The following NUBPL variants were observed in gnomAD, a reference collection of about 807,000 sequenced individuals.
The protein encoded by NUBPL is iron-sulfur cluster transfer protein NUBPL.
A neutral mutation model predicts 45.7 loss-of-function variants in NUBPL; 31 were observed. The observed-to-expected ratio is 0.68, with a 90% confidence interval of 0.51 to 0.92. The LOEUF (loss-of-function observed/expected upper bound fraction) is 0.92, where lower values mean the gene tolerates loss of function less well. Ranked by LOEUF, NUBPL falls within the 40% of genes least tolerant of loss-of-function variation. The pLI is 0.00. For synonymous variants in NUBPL, 144 were observed against 140.9 expected (o/e 1.02, Z -0.15); for missense variants, 401 against 398.7 (o/e 1.01, Z -0.05).
intron 7 of NUBPL, among the ~76,000 whole-genome samples, chr14:31,797,677 A>C (rs1306852801): frequency 1.6e-3 from 208 of 132,392 alleles, no homozygotes; most frequent in Non-Finnish European, 2.5e-3. Context: ...ATGGGTCTTG[A>C]CTCTTTATCC....
In NUBPL at chr14:31,702,137, C is replaced by A. The variant is rs148716020; in HGVS notation, c.513+28563C>A. Among the ~76,000 whole-genome samples the A allele has an allele frequency of 2.3e-3, 356 of 152,246 alleles. 1 individual carries two copies. Among genetic ancestry groups the A allele is most frequent in the African/African-American group, 8.2e-3 (340 of 41,546 alleles). ...GGAAAAGAGTACATATTAAAATCAG[C>A]CAAGGGAAGAAGTGCATAAGGTGGA... On this transcript the variant is annotated intron_variant, in intron 6 of 10. Transcript: ENST00000281081.
chr14:31,795,057 T>C (rs2039457155), intron 7 of NUBPL, among the ~76,000 whole-genome samples: 1 of 149,622 alleles, frequency 6.7e-6, no homozygotes, highest in Non-Finnish European at 1.5e-5. Flanking sequence ...TGCGGCATTA[T>C]TTTTGAGGCC....
intron 4 of NUBPL, among the ~76,000 whole-genome samples, chr14:31,664,337 CT>C (rs2036351369): frequency 6.6e-6 from 1 of 152,100 alleles, no homozygotes; most frequent in Non-Finnish European, 1.5e-5. Context: ...ATGCTTCCAG[CT>C]TTTGCCCATT....
At chr14:31,676,340 T>C (rs1414226082) in intron 6 of NUBPL, among the ~76,000 whole-genome samples, 1 of 152,106 alleles carries the variant, frequency 6.6e-6, no homozygotes, top group Non-Finnish European at 1.5e-5. Context: ...AGCTTTTTTT[T>C]TATATGGTTT....
At chr14:31,650,566 G>A (rs549813552) in intron 4 of NUBPL, among the ~76,000 whole-genome samples, 1 of 152,216 alleles carries the variant, frequency 6.6e-6, no homozygotes, top group African/African-American at 2.4e-5. Context: ...TGGGATTACA[G>A]GCGTTAGTCA....
At chr14:31,613,514 C>T (rs563464151) in intron 4 of NUBPL, among the ~76,000 whole-genome samples, 8 of 151,316 alleles carry the variant, frequency 5.3e-5, no homozygotes, top group South Asian at 4.2e-4. Flanking sequence ...TGCAGTGGTG[C>T]GATCTCAGGT....
chr14:31,565,213 A>C (rs2033405155), intron 3 of NUBPL, among the ~76,000 whole-genome samples, 165 bp downstream of exon 3: 2 of 152,182 alleles, frequency 1.3e-5, no homozygotes, highest in African/African-American at 2.4e-5. Flanking sequence ...GGTTACATTT[A>C]ATAATAATAA....
intron 6 of NUBPL, among the ~76,000 whole-genome samples, chr14:31,777,258 T>C (rs1217056234): frequency 6.6e-6 from 1 of 152,216 alleles, no homozygotes; most frequent in African/African-American, 2.4e-5. Context: ...TGTTGGCAGA[T>C]AGCATTGCAT....
chr14:31,773,261 T>C (rs566878974), intron 6 of NUBPL, among the ~76,000 whole-genome samples: 1 of 152,294 alleles, frequency 6.6e-6, no homozygotes, highest in African/African-American at 2.4e-5. Context: ...AGAAAAACAC[T>C]TTCTGCTCAA....
chr14:31,817,067 A>G (rs950873054), intron 7 of NUBPL, among the ~76,000 whole-genome samples: 4 of 152,012 alleles, frequency 2.6e-5, no homozygotes, highest in African/African-American at 9.7e-5. Flanking sequence ...GATCAAGCAG[A>G]AGAAAGAATA....
At chr14:31,816,053 A>C (rs376072304) in intron 7 of NUBPL, among the ~76,000 whole-genome samples, 1 of 152,204 alleles carries the variant, frequency 6.6e-6, no homozygotes, top group Admixed American at 6.5e-5. Context: ...GCCTCATAAA[A>C]TGAGTTAGGG....
chr14:31,561,565 G>T lies in NUBPL; in HGVS notation c.108+18G>T, dbSNP rs999849951. 3 of 1,350,942 alleles carry T rather than the reference G, an allele frequency of 2.2e-6. No individual in the cohort carries two copies. The African/African-American group carries it at 4.5e-5, about 20-fold the overall frequency. 83.7% of individuals were successfully genotyped at this position (1,350,942 alleles called of 1,614,324 possible). A position where few individuals can be genotyped will look rare whatever the true frequency, so the allele number is the denominator to read the frequency against. On this transcript the variant is annotated intron_variant, in intron 1 of 10. Coordinates refer to ENST00000281081, the MANE Select transcript of NUBPL (RefSeq NM_025152.3). ...GGCGCCAGGTCCGTGGTGCTGCAGG[G>T]CAGGGGGAAGCGGGCTGACAGATGC... is the stretch of plus-strand genomic sequence containing the variant.
In NUBPL at chr14:31,730,992, T is replaced by G. The variant is rs185567569; in HGVS notation, c.514-56788T>G. 2.0e-5 allele frequency among the ~76,000 whole-genome samples: 3 copies of G among 152,212 alleles called. No individual in the cohort carries two copies. In the East Asian group the frequency reaches 5.8e-4, roughly 29 times the overall value. ...GATACAACAGACGATAGAAATAGAC[T>G]CAGTGAAAATGATACACTGGAATTG... is the stretch of plus-strand genomic sequence containing the variant. On this transcript the variant is annotated intron_variant, in intron 6 of 10. Coordinates refer to ENST00000281081, the MANE Select transcript of NUBPL (RefSeq NM_025152.3).
chr14:31,581,587 T>C (rs983884994), intron 3 of NUBPL, among the ~76,000 whole-genome samples: 2 of 152,242 alleles, frequency 1.3e-5, no homozygotes, highest in African/African-American at 2.4e-5. Flanking sequence ...TTCTTTGGTT[T>C]TGCTTTTAGC....
chr14:31,820,872 G>C (rs1240078015), intron 7 of NUBPL, among the ~76,000 whole-genome samples: 2 of 149,762 alleles, frequency 1.3e-5, no homozygotes, highest in Non-Finnish European at 3.0e-5. Flanking sequence ...TGTAATCCCA[G>C]CACTTTGGGA....
At chr14:31,561,873 G>A (rs2033291353) in intron 1 of NUBPL, 195 bp from the exon 2 acceptor site, 2 of 632,166 alleles carry the variant, frequency 3.2e-6, no homozygotes, top group Non-Finnish European at 5.4e-6. Context: ...TATCCTGCTA[G>A]AAAAATTTCA....
intron 8 of NUBPL, among the ~76,000 whole-genome samples, chr14:31,834,677 T>C (rs970385652): frequency 3.3e-5 from 5 of 152,230 alleles, no homozygotes; most frequent in African/African-American, 1.2e-4. Flanking sequence ...TGCTTTGAAC[T>C]AGAATGCTGT....
intron 6 of NUBPL, among the ~76,000 whole-genome samples, chr14:31,763,075 A>G (rs2038846786): frequency 6.6e-6 from 1 of 152,168 alleles, no homozygotes; most frequent in Non-Finnish European, 1.5e-5. Context: ...AGAAATGTAT[A>G]TGCCTCTATT....
intron 6 of NUBPL, among the ~76,000 whole-genome samples, chr14:31,757,430 G>A (rs1304481940): frequency 2.0e-5 from 3 of 151,692 alleles, no homozygotes; most frequent in Non-Finnish European, 4.4e-5. Context: ...TTAGTCTTGG[G>A]AGGGTGTATA....
Sources: allele counts gnomAD v4.1 joint callset (sites outside exome capture counted in the v4.1 genomes callset), GRCh38; gene constraint gnomAD v4.1.1; transcripts MANE v1.5; gene names NCBI Gene and HGNC (gene_info 2026-07-23, HGNC 2026-07-21).